The following ZNF189 variants were observed in gnomAD, a reference collection of about 807,000 sequenced individuals.
ZNF189 encodes zinc finger protein 189.
A neutral mutation model predicts 53.5 loss-of-function variants in ZNF189; 33 were observed. That is an observed-to-expected ratio of 0.62 (90% confidence interval 0.47 to 0.82). The LOEUF (loss-of-function observed/expected upper bound fraction) is 0.82. Ranked by LOEUF, ZNF189 falls within the 40% of genes least tolerant of loss-of-function variation. The probability of loss-of-function intolerance (pLI) is 0.00; values close to 1 mark genes in which losing one functional copy is unlikely to be tolerated. For missense variants in ZNF189, 711 were observed against 753.9 expected, an observed-to-expected ratio of 0.94 and a Z score of 0.67; for synonymous variants, 247 against 238.8, an observed-to-expected ratio of 1.03 and a Z score of -0.32.
In ZNF189 at chr9:101,408,018, G is replaced by C. The variant is rs1463092215; in HGVS notation, c.250G>C (p.Val84Leu). The C allele has an allele frequency of 1.9e-6, 3 of 1,613,634 alleles. No homozygotes were observed. The South Asian group carries it at 3.3e-5, about 18-fold the overall frequency. The change falls in exon 3 of 3, where the codon GTT becomes CTT. Residue 84 changes from valine (V) to leucine (L), a missense_variant. Physicochemically the swap from Val to Leu is conservative, Grantham distance 32. Coordinates refer to ENST00000339664, the MANE Select transcript of ZNF189 (RefSeq NM_003452.4). ...EEEVEPQGVI[V>L]TRIKSEIDQD... ...AGAAGTGGAACCACAGGGTGTAATA[G>C]TTACAAGAATCAAAAGTGAAATTGA...
chr9:101,409,389 A>C lies in ZNF189; in HGVS notation c.1621A>C (p.Lys541Gln). ...QGVHTGNKPHKCDECGKAFSR... is the reference protein window; with the variant it reads ...QGVHTGNKPHQCDECGKAFSR... ...TGTTCACACAGGTAATAAACCCCAT[A>C]AATGTGATGAATGTGGAAAGGCCTT... The change falls in exon 3 of 3, where the codon AAA (lysine) becomes CAA (glutamine). Residue 541 changes from lysine to glutamine, a missense_variant. Transcript: ENST00000339664. 6.2e-7 allele frequency: 1 copy of C among 1,614,156 alleles called. No individual in the cohort carries two copies. The highest frequency in any genetic ancestry group is 8.5e-7 in the Non-Finnish European group (1 of 1,180,028).
chr9:101,409,500 A>G lies in ZNF189; in HGVS notation c.1732A>G (p.Ser578Gly). 6.2e-7 allele frequency: 1 copy of G among 1,614,106 alleles called. No individual in the cohort carries two copies. ...GTGTGAGAAGTGCGACAAAAGTTTC[A>G]GTCAACAGCGCAGTCTTGTCAACCA... ...YKCEKCDKSFSQQRSLVNHQK... is the reference protein window; with the variant it reads ...YKCEKCDKSFGQQRSLVNHQK... Residue 578 changes from serine to glycine, a missense_variant, in exon 3 of 3, where the codon AGT becomes GGT. By Grantham distance (56) the Ser-to-Gly change is moderately conservative (BLOSUM62 0). Coordinates refer to ENST00000339664, the MANE Select transcript of ZNF189 (RefSeq NM_003452.4).
At position 101,408,745 on chromosome 9, in the gene ZNF189, G is replaced by A. The variant is rs776011149; in HGVS notation, c.977G>A (p.Arg326Gln). The A allele has an allele frequency of 2.2e-5, 36 of 1,614,134 alleles. No homozygotes were observed. The highest frequency in any genetic ancestry group is 2.9e-5 in the Non-Finnish European group (34 of 1,180,014). The change falls in exon 3 of 3, where the codon CGA (arginine) becomes CAA (glutamine). Residue 326 changes from arginine (R) to glutamine (Q), a missense_variant. Coordinates refer to ENST00000339664, the MANE Select transcript of ZNF189 (RefSeq NM_003452.4). ...HKCGECGKAF[R>Q]LSTYLIQHQK... is the part of the protein sequence containing the mutation. The stretch of plus-strand genomic sequence containing the variant: ...TGTGGTGAATGTGGGAAAGCCTTTC[G>A]ATTAAGCACATACCTTATACAACAC...
chr9:101,408,397 GA>G lies in ZNF189; in HGVS notation c.634del (p.Thr212ProfsTer4). 1 of 1,613,972 alleles carries G rather than the reference GA, an allele frequency of 6.2e-7. No individual in the cohort carries two copies. Among genetic ancestry groups the G allele is most frequent in the South Asian group, 1.1e-5 (1 of 91,076 alleles). ...AGGCCCTATGAGTGTAATTACTGTGGAAAAACCTTTAGTGTGAGCTCAACCC... is the reference window on the plus strand; with the variant it reads ...AGGCCCTATGAGTGTAATTACTGTGGAAAACCTTTAGTGTGAGCTCAACCC... ...GERPYECNYC[G>X]KTFSVSSTLI... On this transcript the variant is annotated frameshift_variant, in exon 3 of 3. Transcript: ENST00000339664. LOFTEE classifies it high-confidence loss of function.
chr9:101,406,765 C>T (rs1175303231), intron 2 of ZNF189, among the ~76,000 whole-genome samples: 1 of 152,168 alleles, frequency 6.6e-6, no homozygotes, highest in Non-Finnish European at 1.5e-5. Flanking sequence ...TATCTAATAT[C>T]TATTCCAGCA....
In ZNF189 at chr9:101,409,582, G is replaced by C; in HGVS notation, c.1814G>C (p.Gly605Ala). The C allele has an allele frequency of 3.1e-6, 5 of 1,613,668 alleles. No individual in the cohort carries two copies. The highest frequency in any genetic ancestry group is 4.2e-6 in the Non-Finnish European group (5 of 1,179,906). ...GAAACCCATGAATGTGACGCTTGTGGTGAAGCCTTTAATTGCCGTATTTCT... is the reference window on the plus strand; with the variant it reads ...GAAACCCATGAATGTGACGCTTGTGCTGAAGCCTTTAATTGCCGTATTTCT... ...TQETHECDACGEAFNCRISLI... is the reference protein window; with the variant it reads ...TQETHECDACAEAFNCRISLI... The change falls in exon 3 of 3, where the codon GGT (glycine) becomes GCT (alanine). Residue 605 changes from glycine (G) to alanine (A), a missense_variant. Transcript: ENST00000339664.
intron 2 of ZNF189, among the ~76,000 whole-genome samples, chr9:101,400,476 G>A (rs1830492879): frequency 1.3e-5 from 2 of 152,138 alleles, no homozygotes; most frequent in Non-Finnish European, 2.9e-5. Context: ...GGAAGTTATT[G>A]TTCACTCAGC....
rs1229021140 is a variant in ZNF189 at position 101,408,988 on chromosome 9, A to G, written c.1220A>G (p.Lys407Arg). ...CCCCATAAATGTGAGGAATGTGGAA[A>G]AGCCTTTAGTAGAAGCTCAGGTCTT... ...DKPHKCEECG[K>R]AFSRSSGLIQ... The change falls in exon 3 of 3, where the codon AAA (lysine) becomes AGA (arginine). Residue 407 changes from lysine to arginine, a missense_variant. Physicochemically the swap from Lys to Arg is conservative, Grantham distance 26. Transcript: ENST00000339664. 6.2e-7 allele frequency: 1 copy of G among 1,613,978 alleles called. No homozygotes were observed. Among genetic ancestry groups the G allele is most frequent in the East Asian group, 2.2e-5 (1 of 44,888 alleles).
At chr9:101,400,036 A>G (rs760735109) in intron 2 of ZNF189, 26 bp downstream of exon 2, 3 of 1,610,140 alleles carry the variant, frequency 1.9e-6, no homozygotes, top group Non-Finnish European at 1.7e-6. Context: ...TTCTCTAATT[A>G]AAATATCTAA....
At position 101,408,616 on chromosome 9, in the gene ZNF189, C is replaced by T; in HGVS notation, c.848C>T (p.Thr283Ile). The T allele has an allele frequency of 2.5e-6, 4 of 1,614,082 alleles. No homozygotes were observed. ...CTTATTGAGCATCAAAGAACTCACA[C>T]TGGTGAGAAACCTTATCACTGTACC... ...SHLIEHQRTH[T>I]GEKPYHCTKC... Residue 283 changes from threonine (T) to isoleucine (I), a missense_variant, in exon 3 of 3, where the codon ACT becomes ATT. Physicochemically the swap from Thr to Ile is moderately conservative, Grantham distance 89. Coordinates refer to ENST00000339664, the MANE Select transcript of ZNF189 (RefSeq NM_003452.4).
intron 2 of ZNF189, among the ~76,000 whole-genome samples, chr9:101,404,682 T>C (rs1340051612): frequency 6.6e-6 from 1 of 152,228 alleles, no homozygotes; most frequent in Non-Finnish European, 1.5e-5. Flanking sequence ...TTTAGGTATA[T>C]ATTCATATCA....
rs1474590796 is a variant in ZNF189, at chr9:101,409,337, G to T, written c.1569G>T (p.Gln523His). Residue 523 changes from glutamine (Q) to histidine (H), a missense_variant, in exon 3 of 3, where the codon CAG (glutamine) becomes CAT (histidine). Physicochemically the swap from Gln to His is conservative, Grantham distance 24. Transcript: ENST00000339664. ...LCRQCGKSFS[Q>H]LCNLIRHQGV... ...GACAGTGTGGAAAAAGCTTTAGTCA[G>T]CTTTGTAATCTTATTCGACATCAGG... 1 of 1,614,140 alleles carries T rather than the reference G, an allele frequency of 6.2e-7. No homozygotes were observed. The highest frequency in any genetic ancestry group is 8.5e-7 in the Non-Finnish European group (1 of 1,180,032).
chr9:101,399,392 TAG>T (rs1830447060), intron 1 of ZNF189: 1 of 1,372,490 alleles, frequency 7.3e-7, no homozygotes, highest in Non-Finnish European at 9.4e-7. Context: ...TTTCTTTTTC[TAG>T]AGAGACTTGA....
chr9:101,407,157 G>T (rs1830745565), intron 2 of ZNF189, among the ~76,000 whole-genome samples: 1 of 152,012 alleles, frequency 6.6e-6, no homozygotes, highest in African/African-American at 2.4e-5. Context: ...TCTTTATACA[G>T]GAGCTGCTTT....
chr9:101,407,443 C>T (rs901493959), intron 2 of ZNF189: 8 of 398,370 alleles, frequency 2.0e-5, no homozygotes, highest in South Asian at 1.3e-4. Context: ...TGGTGTGCAG[C>T]GACGCAAACA....
rs747959606 is a variant in ZNF189 at position 101,408,180 on chromosome 9, C to T, written c.412C>T (p.Arg138Cys). ...RMFRENTNII[R>C]KRPNSEEKCH... ...GTTCAGAGAAAACACTAACATTATCCGTAAAAGACCAAACTCAGAAGAGAA... is the reference window on the plus strand; with the variant it reads ...GTTCAGAGAAAACACTAACATTATCTGTAAAAGACCAAACTCAGAAGAGAA... Residue 138 changes from arginine (R) to cysteine (C), a missense_variant, in exon 3 of 3, where the codon CGT becomes TGT. Transcript: ENST00000339664. 74 of 1,613,892 alleles carry T rather than the reference C, an allele frequency of 4.6e-5. No individual in the cohort carries two copies. The highest frequency in any genetic ancestry group is 4.7e-5 in the Non-Finnish European group (56 of 1,180,022).
In ZNF189 at chr9:101,409,408, A is replaced by G; in HGVS notation, c.1640A>G (p.Lys547Arg). 3 of 1,614,208 alleles carry G rather than the reference A, an allele frequency of 1.9e-6. No homozygotes were observed. The highest frequency in any genetic ancestry group is 2.5e-6 in the Non-Finnish European group (3 of 1,180,024). Residue 547 changes from lysine (K) to arginine (R), a missense_variant, in exon 3 of 3, where the codon AAG (lysine) becomes AGG (arginine). Physicochemically the swap from Lys to Arg is conservative, Grantham distance 26. Transcript: ENST00000339664. Reference protein sequence around the residue: ...NKPHKCDECGKAFSRNSGLIQ... With the variant: ...NKPHKCDECGRAFSRNSGLIQ... ...CCCCATAAATGTGATGAATGTGGAA[A>G]GGCCTTTAGCCGGAACTCGGGTCTT...
Position 101,399,040 on chromosome 9 carries a change from C to G in ZNF189, c.-117C>G. ...GGGGCCGAGGCAGGCACTGGCCAGACCCAGCCAGGGATCCTCGTATTCGTC... is the reference window on the plus strand; with the variant it reads ...GGGGCCGAGGCAGGCACTGGCCAGAGCCAGCCAGGGATCCTCGTATTCGTC... On this transcript the variant is annotated 5_prime_UTR_variant, in exon 1 of 3. Coordinates refer to ENST00000339664, the MANE Select transcript of ZNF189 (RefSeq NM_003452.4). The G allele has an allele frequency of 1.3e-6, 1 of 797,052 alleles. No individual in the cohort carries two copies. Among genetic ancestry groups the G allele is most frequent in the South Asian group, 1.4e-5 (1 of 69,538 alleles). The allele number at this position is 797,052 out of a possible 1,614,324, so 49.4% of individuals were successfully genotyped here.
chr9:101,401,769 A>G (rs1830543650), intron 2 of ZNF189, among the ~76,000 whole-genome samples: 2 of 152,036 alleles, frequency 1.3e-5, no homozygotes, highest in Non-Finnish European at 2.9e-5. Context: ...TTGGGACCTT[A>G]TTTTAGTCTA....
Sources: allele counts gnomAD v4.1 joint callset (sites outside exome capture counted in the v4.1 genomes callset), GRCh38; gene constraint gnomAD v4.1.1; transcripts MANE v1.5; gene names NCBI Gene and HGNC (gene_info 2026-07-23, HGNC 2026-07-21).